Variants in IL1F10 observed in about 807,000 individuals in gnomAD.
IL1F10 encodes the protein interleukin-1 family member 10.
In IL1F10, 13 loss-of-function variants were observed where a neutral mutation model predicts 13.1. The ratio of observed to expected loss-of-function variants is 0.99; its 90% CI spans 0.64 to 1.57. The LOEUF (loss-of-function observed/expected upper bound fraction) is 1.57. IL1F10 is among the 40% of genes most tolerant of loss of function. The probability of loss-of-function intolerance (pLI) is 0.00; values close to 1 mark genes in which losing one functional copy is unlikely to be tolerated. For synonymous variants in IL1F10, 78 were observed against 68.2 expected (o/e 1.14, Z -0.71); for missense variants, 191 against 184.1 (o/e 1.04, Z -0.22).
In IL1F10 at chr2:113,074,368, T is replaced by C. The variant is rs3811058; in HGVS notation, c.72T>C (p.Asp24=). The C allele has an allele frequency of 0.093, 149,227 of 1,613,220 alleles. 12,868 individuals are homozygous for C. Among genetic ancestry groups the C allele is most frequent in the East Asian group, 0.56 (25,294 of 44,856 alleles). Residue 24 remains aspartate (D), a synonymous_variant, in exon 3 of 5, where the codon GAT becomes GAC. Coordinates refer to ENST00000341010, the MANE Select transcript of IL1F10 (RefSeq NM_173161.3). ...YADQKALYTR[D]GQLLVGDPVA... is the part of the protein sequence containing the mutation. ...ACCAGAAGGCTCTATACACAAGAGA[T>C]GGCCAGCTGCTGGTGGGAGATCCTG...
chr2:113,069,375 A>G (rs576547534), intron 1 of IL1F10, among the ~76,000 whole-genome samples: 1 of 152,358 alleles, frequency 6.6e-6, no homozygotes, highest in Non-Finnish European at 1.5e-5. Flanking sequence ...AAAAACCGGG[A>G]ATACAAGTAC....
rs1333966156 is a variant in IL1F10, at chr2:113,072,703, C to T, written c.-28-8C>T. On this transcript the variant is annotated splice_polypyrimidine_tract_variant and splice_region_variant and intron_variant, in intron 1 of 4. Coordinates refer to ENST00000341010, the MANE Select transcript of IL1F10 (RefSeq NM_173161.3). ...CTTTTCTAACTGCCCTTCTCTCCTC[C>T]CCATCAGTGAGGACCAGACACCACT... 9 of 1,593,454 alleles carry T rather than the reference C, an allele frequency of 5.6e-6. No homozygotes were observed. The highest frequency in any genetic ancestry group is 7.7e-6 in the Non-Finnish European group (9 of 1,162,808).
intron 1 of IL1F10, among the ~76,000 whole-genome samples, chr2:113,069,269 C>T (rs1201663720): frequency 6.6e-6 from 1 of 150,822 alleles, no homozygotes; most frequent in South Asian, 2.1e-4. Flanking sequence ...AACAGTCAGT[C>T]ACTGTAGATT....
At chr2:113,070,249 G>T (rs1014906124) in intron 1 of IL1F10, among the ~76,000 whole-genome samples, 6 of 152,162 alleles carry the variant, frequency 3.9e-5, no homozygotes, top group African/African-American at 1.4e-4. Flanking sequence ...CAAGACCCAG[G>T]CTCTCTGATG....
chr2:113,072,821 G>C (rs1460498298), intron 2 of IL1F10, 51 bp downstream of exon 2: 1 of 1,526,612 alleles, frequency 6.6e-7, no homozygotes, highest in African/African-American at 1.4e-5. Flanking sequence ...GTCAGGGTGG[G>C]AAGAGGAAAG....
chr2:113,074,620 G>A (rs1480452996), intron 3 of IL1F10, 103 bp from the exon 4 acceptor site: 1 of 1,433,210 alleles, frequency 7.0e-7, no homozygotes, highest in Non-Finnish European at 9.8e-7. Flanking sequence ...GGCCAGGCCA[G>A]GTGTGCCCAT....
intron 3 of IL1F10, 35 bp downstream of exon 3, chr2:113,074,449 T>G: frequency 6.8e-7 from 1 of 1,481,062 alleles, no homozygotes; most frequent in Non-Finnish European, 9.4e-7. Flanking sequence ...ATGCTCCATC[T>G]GCCATAGGCC....
At chr2:113,075,006 C>A in intron 4 of IL1F10, 146 bp from the exon 5 acceptor site, 3 of 1,214,346 alleles carry the variant, frequency 2.5e-6, no homozygotes, top group Non-Finnish European at 2.3e-6. Flanking sequence ...AGCACCAAGA[C>A]CCTTGCCCTC....
At chr2:113,069,387 G>A (rs934925478) in intron 1 of IL1F10, among the ~76,000 whole-genome samples, 1 of 152,218 alleles carries the variant, frequency 6.6e-6, no homozygotes, top group African/African-American at 2.4e-5. Flanking sequence ...TACAAGTACA[G>A]TAGTAATGGC....
chr2:113,070,906 T>G (rs1344298374), intron 1 of IL1F10, among the ~76,000 whole-genome samples: 1 of 152,198 alleles, frequency 6.6e-6, no homozygotes. Context: ...CAAGTCCTAC[T>G]GAATTAGAAC....
intron 1 of IL1F10, chr2:113,072,482 C>A: frequency 2.1e-6 from 1 of 486,360 alleles, no homozygotes. Flanking sequence ...CCCAGGCTCA[C>A]ACCCCTGGTG....
chr2:113,070,848 G>A (rs9308682), intron 1 of IL1F10, among the ~76,000 whole-genome samples: 20,373 of 152,158 alleles, frequency 0.13, 2,047 homozygotes, highest in East Asian at 0.49. Context: ...AGAATGGAAT[G>A]AAAGTACACC....
intron 1 of IL1F10, chr2:113,072,404 T>C (rs28928292): frequency 3.9e-6 from 1 of 255,622 alleles, no homozygotes; most frequent in African/African-American, 2.3e-5. Context: ...GGGCTGGGAA[T>C]TGTTGTGGCT....
Position 113,074,904 on chromosome 2 carries a change from G to T in IL1F10, c.246+54G>T, listed in dbSNP as rs28928298. On this transcript the variant is annotated intron_variant, in intron 4 of 4. Coordinates refer to ENST00000341010, the MANE Select transcript of IL1F10 (RefSeq NM_173161.3). Reference sequence around the variant, plus strand: ...CACTGCAGACCTGGCCTGACCCCTGGGATGCTCTGGCATCTTTGTGCCTAT... The same window carrying T: ...CACTGCAGACCTGGCCTGACCCCTGTGATGCTCTGGCATCTTTGTGCCTAT... 3,834 of 1,583,106 alleles carry T rather than the reference G, an allele frequency of 2.4e-3. 87 individuals carry two copies. The African/African-American group carries it at 0.045, about 19-fold the overall frequency.
In IL1F10 at chr2:113,075,135, C is replaced by T; in HGVS notation, c.247-17C>T. ...ATCAGCACTCTCATTCTGCAGCCAT[C>T]CACCTTGCCCCCACAGGATGTGAAC... On this transcript the variant is annotated splice_polypyrimidine_tract_variant and intron_variant, in intron 4 of 4. Transcript: ENST00000341010. The T allele has an allele frequency of 6.3e-7, 1 of 1,584,846 alleles. No homozygotes were observed. The highest frequency in any genetic ancestry group is 1.1e-5 in the South Asian group (1 of 88,424).
chr2:113,075,500 A>G lies in IL1F10; in HGVS notation c.*136A>G, dbSNP rs1044242877. On this transcript the variant is annotated 3_prime_UTR_variant, in exon 5 of 5. Transcript: ENST00000341010. ...AAGATCTGTGCATATGTTACCATAC[A>G]TGTCCAAAGAGGTTTTGCAAATGTG... 7 of 565,966 alleles carry G rather than the reference A, an allele frequency of 1.2e-5. No individual in the cohort carries two copies. In the African/African-American group the frequency reaches 1.3e-4, roughly 11 times the overall value. The allele number at this position is 565,966 out of a possible 1,614,324, so 35.1% of individuals were successfully genotyped here.
At position 113,073,051 on chromosome 2, in the gene IL1F10, C is replaced by A. The variant is rs560622860; in HGVS notation, c.32+281C>A. Among the ~76,000 whole-genome samples the A allele has an allele frequency of 3.3e-5, 5 of 152,298 alleles. No individual in the cohort carries two copies. In the South Asian group the frequency reaches 6.2e-4, roughly 19 times the overall value. On this transcript the variant is annotated intron_variant, in intron 2 of 4. Coordinates refer to ENST00000341010, the MANE Select transcript of IL1F10 (RefSeq NM_173161.3). ...GCTGAGGCTCAAAGAGGGTAAATAA[C>A]TTCCCCCATGTCACACAGCTACCAA... is the stretch of plus-strand genomic sequence containing the variant.
chr2:113,074,537 C>A, intron 3 of IL1F10, 123 bp downstream of exon 3: 1 of 1,050,572 alleles, frequency 9.5e-7, no homozygotes, highest in Non-Finnish European at 1.5e-6. Flanking sequence ...GGCCAGAGAG[C>A]AGCTGTGGCC....
chr2:113,075,322 G>A lies in IL1F10; in HGVS notation c.417G>A (p.Glu139=), dbSNP rs551485444. ...CAGTACAGCTCACCAAGGAGAGTGA[G>A]CCCTCAGCCCGTACCAAGTTTTACT... ...QQPVQLTKES[E]PSARTKFYFE... The change falls in exon 5 of 5, where the codon GAG becomes GAA. Residue 139 remains glutamate (E), a synonymous_variant. Transcript: ENST00000341010. 6 of 1,596,748 alleles carry A rather than the reference G, an allele frequency of 3.8e-6. No homozygotes were observed. The African/African-American group carries it at 8.0e-5, about 21-fold the overall frequency.
Sources: gnomAD v4.1 joint callset for allele counts (sites outside exome capture counted in the v4.1 genomes callset) on GRCh38, gnomAD v4.1.1 for gene constraint, MANE v1.5 for transcripts, NCBI Gene and HGNC (gene_info 2026-07-23, HGNC 2026-07-21) for gene names.